The following EXOC6 variants were observed in gnomAD, a reference collection of about 807,000 sequenced individuals.
EXOC6 encodes SEC15-like 1.
A neutral mutation model predicts 112.5 loss-of-function variants in EXOC6; 60 were observed. That is an observed-to-expected ratio of 0.53 (90% CI 0.43 to 0.66). The LOEUF (loss-of-function observed/expected upper bound fraction) is 0.66, where lower values mean the gene tolerates loss of function less well. Ranked by LOEUF, EXOC6 falls within the 30% of genes least tolerant of loss-of-function variation. The pLI is 0.00. For missense variants in EXOC6, 855 were observed against 957.1 expected (o/e 0.89, Z 1.41); for synonymous variants, 295 against 308.0 (o/e 0.96, Z 0.44).
At chr10:92,917,103 C>T in intron 7 of EXOC6, among the ~76,000 whole-genome samples, 1 of 151,828 alleles carries the variant, frequency 6.6e-6, no homozygotes, top group East Asian at 1.9e-4. Flanking sequence ...AGCTGGATTA[C>T]AGGCATGCGC....
intron 1 of EXOC6, among the ~76,000 whole-genome samples, chr10:92,868,795 T>C (rs1434655235): frequency 6.6e-6 from 1 of 150,606 alleles, no homozygotes; most frequent in Non-Finnish European, 1.5e-5. Flanking sequence ...CTCCCTCCCT[T>C]CTTTCCTCCC....
chr10:92,962,677 G>A (rs747301987), intron 17 of EXOC6, among the ~76,000 whole-genome samples: 1 of 152,184 alleles, frequency 6.6e-6, no homozygotes, highest in Non-Finnish European at 1.5e-5. Context: ...ACACGTGTAA[G>A]CCGCTGTCAG....
chr10:93,057,008 C>G lies in EXOC6; in HGVS notation c.2254C>G (p.Pro752Ala). 6.3e-7 allele frequency: 1 copy of G among 1,586,456 alleles called. No homozygotes were observed. Among genetic ancestry groups the G allele is most frequent in the Non-Finnish European group, 8.5e-7 (1 of 1,170,488 alleles). The change falls in exon 21 of 22, where the codon CCA becomes GCA. Residue 752 changes from proline to alanine, a missense_variant. This residue lies in a region of EXOC6 where 450 missense variants were observed against 563.5 expected (regional missense o/e 0.80). Transcript: ENST00000260762. Reference sequence around the variant, plus strand: ...AGCTTCTAAGTACCTTCGGGTGAATCCAAACACAGCCCTTACTCTTTTGGA... The same window carrying G: ...AGCTTCTAAGTACCTTCGGGTGAATGCAAACACAGCCCTTACTCTTTTGGA... The part of the protein sequence containing the change: ...QPASKYLRVN[P>A]NTALTLLEKM...
intron 15 of EXOC6, among the ~76,000 whole-genome samples, chr10:92,953,597 G>T (rs1001575759): frequency 6.6e-6 from 1 of 152,086 alleles, no homozygotes; most frequent in Non-Finnish European, 1.5e-5. Flanking sequence ...ATCCAAATGT[G>T]CAGGACAGTC....
intron 14 of EXOC6, 50 bp downstream of exon 14, chr10:92,948,429 T>A: frequency 9.5e-7 from 1 of 1,048,658 alleles, no homozygotes; most frequent in Non-Finnish European, 1.4e-6. Flanking sequence ...AAATTCATAG[T>A]ATTTGTTACT....
intron 1 of EXOC6, among the ~76,000 whole-genome samples, chr10:92,876,001 C>A (rs922964219): frequency 1.3e-5 from 2 of 151,976 alleles, no homozygotes; most frequent in Non-Finnish European, 2.9e-5. Flanking sequence ...GTGTGTATTT[C>A]TGAGTTTGTC....
intron 13 of EXOC6, among the ~76,000 whole-genome samples, chr10:92,946,888 T>C (rs1006884267): frequency 6.6e-6 from 1 of 152,246 alleles, no homozygotes; most frequent in African/African-American, 2.4e-5. Flanking sequence ...CGTACTCTGA[T>C]AGTCACTTCC....
upstream of EXOC6, chr10:92,848,445 C>T: frequency 1.0e-6 from 1 of 992,016 alleles, no homozygotes; most frequent in Non-Finnish European, 1.3e-6. Context: ...CCCGCCCCCG[C>T]CCCGCCCCTT....
chr10:92,887,845 G>A (rs1161740650), intron 1 of EXOC6, among the ~76,000 whole-genome samples: 2 of 152,172 alleles, frequency 1.3e-5, no homozygotes, highest in South Asian at 4.1e-4. Context: ...TCTGGCACTT[G>A]CCTGATTCTT....
upstream of EXOC6, chr10:92,831,173 C>T (rs1846468728): frequency 2.7e-6 from 1 of 370,068 alleles, no homozygotes; most frequent in South Asian, 2.1e-5. Context: ...ACAGAAACTG[C>T]ACTTAGCAGG....
intron 8 of EXOC6, among the ~76,000 whole-genome samples, chr10:92,923,040 C>G (rs1346793907): frequency 1.3e-5 from 2 of 152,104 alleles, no homozygotes; most frequent in Non-Finnish European, 2.9e-5. Flanking sequence ...TCCCTTGGGT[C>G]CCTTTTCAGC....
chr10:93,054,554 T>G (rs1477676620), intron 20 of EXOC6, among the ~76,000 whole-genome samples: 4 of 152,262 alleles, frequency 2.6e-5, no homozygotes. Context: ...ATAAGAGATT[T>G]GCATATGAGT....
intron 17 of EXOC6, among the ~76,000 whole-genome samples, chr10:92,971,854 T>C (rs1442713453): frequency 6.6e-6 from 1 of 152,196 alleles, no homozygotes; most frequent in Non-Finnish European, 1.5e-5. Flanking sequence ...TTTGTTTCTT[T>C]GCATAACTTG....
chr10:92,922,343 T>C (rs1851494037), intron 8 of EXOC6, among the ~76,000 whole-genome samples: 1 of 152,228 alleles, frequency 6.6e-6, no homozygotes, highest in South Asian at 2.1e-4. Context: ...TTACTTCCCT[T>C]ATTTGAGTTC....
chr10:92,926,052 T>TAA (rs146789374), intron 8 of EXOC6, among the ~76,000 whole-genome samples: 72 of 139,750 alleles, frequency 5.2e-4, no homozygotes, highest in East Asian at 2.8e-3. Context: ...GTGGACTTTT[T>TAA]AAAAAAAAAA....
chr10:92,995,002 T>A (rs9919491), intron 18 of EXOC6, among the ~76,000 whole-genome samples: 39,438 of 151,760 alleles, frequency 0.26, 5,218 homozygotes, highest in Middle Eastern at 0.37. Flanking sequence ...CTTTTAAAAA[T>A]TTTAAAGAAT....
At chr10:93,028,339 G>A (rs1224117920) in intron 20 of EXOC6, among the ~76,000 whole-genome samples, 1 of 152,088 alleles carries the variant, frequency 6.6e-6, no homozygotes, top group African/African-American at 2.4e-5. Context: ...ATGATTTTGA[G>A]GGGTTCAAGA....
chr10:93,022,408 A>T (rs1041794078), intron 20 of EXOC6, among the ~76,000 whole-genome samples: 2 of 152,190 alleles, frequency 1.3e-5, no homozygotes, highest in African/African-American at 4.8e-5. Context: ...GGATCAGTGG[A>T]TAGAAAATTT....
Position 93,058,410 on chromosome 10 carries a change from G to C in EXOC6, c.*55G>C. ...AAATCCATGATTCAATGTTGATCTTGAGCAAGTATTGGTCATGATACAGTA... is the reference window on the plus strand; with the variant it reads ...AAATCCATGATTCAATGTTGATCTTCAGCAAGTATTGGTCATGATACAGTA... On this transcript the variant is annotated 3_prime_UTR_variant, in exon 22 of 22. Transcript: ENST00000260762. The C allele has an allele frequency of 6.7e-7, 1 of 1,489,030 alleles. No homozygotes were observed. The highest frequency in any genetic ancestry group is 1.4e-5 in the African/African-American group (1 of 70,050). 92.2% of individuals were successfully genotyped at this position (1,489,030 alleles called of 1,614,324 possible). A position where few individuals can be genotyped will look rare whatever the true frequency, so the allele number is the denominator to read the frequency against.
Sources: allele counts gnomAD v4.1 joint callset (sites outside exome capture counted in the v4.1 genomes callset), GRCh38; gene constraint gnomAD v4.1.1; regional missense constraint gnomAD v4.1.1; transcripts MANE v1.5; gene names NCBI Gene and HGNC (gene_info 2026-07-23, HGNC 2026-07-21).